Variants in CABLES1 observed in about 807,000 individuals in gnomAD.
The protein encoded by CABLES1 is Cdk5 and Abl enzyme substrate 1.
Under a neutral mutation model 57.8 loss-of-function variants are expected in CABLES1, and 36 were observed. That is an observed-to-expected ratio of 0.62 (90% CI 0.48 to 0.82). CABLES1 has a LOEUF of 0.82. Ranked by LOEUF, CABLES1 falls within the 40% of genes least tolerant of loss-of-function variation. CABLES1 has a pLI of 0.00. For synonymous variants in CABLES1, 374 were observed against 363.0 expected, an observed-to-expected ratio of 1.03 and a Z score of -0.35; for missense variants, 767 against 836.6, an observed-to-expected ratio of 0.92 and a Z score of 1.03.
intron 1 of CABLES1, among the ~76,000 whole-genome samples, chr18:23,163,428 A>G (rs1266543369): frequency 1.3e-5 from 2 of 152,150 alleles, no homozygotes; most frequent in Non-Finnish European, 2.9e-5. Flanking sequence ...GAAAAGTCCA[A>G]CCTGGAGGGT....
intron 1 of CABLES1, among the ~76,000 whole-genome samples, chr18:23,182,931 CAG>C (rs1455180442): frequency 6.6e-5 from 10 of 152,362 alleles, no homozygotes; most frequent in Admixed American, 2.0e-4. Context: ...TTACCAGGCT[CAG>C]GAGAGAGGAC....
intron 1 of CABLES1, among the ~76,000 whole-genome samples, chr18:23,174,042 C>T (rs924401160): frequency 2.6e-5 from 4 of 152,166 alleles, no homozygotes; most frequent in Admixed American, 1.3e-4. Context: ...TCACCACTAT[C>T]TAATTTTAGA....
chr18:23,217,197 T>G (rs1248222693), intron 4 of CABLES1, among the ~76,000 whole-genome samples: 1 of 152,128 alleles, frequency 6.6e-6, no homozygotes, highest in Non-Finnish European at 1.5e-5. Flanking sequence ...TCCACCTGCC[T>G]CAGTCTCCCA....
intron 1 of CABLES1, among the ~76,000 whole-genome samples, chr18:23,142,371 G>A (rs1256252113): frequency 6.6e-6 from 1 of 152,174 alleles, no homozygotes; most frequent in African/African-American, 2.4e-5. Context: ...GGAAGCCACT[G>A]CCTGGGGAGG....
At chr18:23,213,825 G>C (rs2047421913) in intron 3 of CABLES1, 152 bp from the exon 4 acceptor site, 1 of 574,328 alleles carries the variant, frequency 1.7e-6, no homozygotes, top group Non-Finnish European at 3.1e-6. Flanking sequence ...CATTTTGCAA[G>C]GAGAGCAGAA....
intron 3 of CABLES1, among the ~76,000 whole-genome samples, chr18:23,209,294 C>G (rs143073656): frequency 6.6e-6 from 1 of 152,186 alleles, no homozygotes; most frequent in Non-Finnish European, 1.5e-5. Context: ...CAGTGCTATC[C>G]GTGGTTTCAG....
intron 1 of CABLES1, among the ~76,000 whole-genome samples, chr18:23,145,446 A>G (rs572886773): frequency 1.6e-4 from 24 of 152,158 alleles, no homozygotes; most frequent in African/African-American, 4.6e-4. Context: ...AAATGTCGCT[A>G]TCAAAGGAAG....
At chr18:23,158,000 A>T (rs2046976951) in intron 1 of CABLES1, among the ~76,000 whole-genome samples, 1 of 152,068 alleles carries the variant, frequency 6.6e-6, no homozygotes, top group Non-Finnish European at 1.5e-5. Flanking sequence ...TAGTAATAAC[A>T]GCCAGGTTCA....
chr18:23,159,170 G>A (rs1467892986), intron 1 of CABLES1, among the ~76,000 whole-genome samples: 1 of 152,218 alleles, frequency 6.6e-6, no homozygotes, highest in Non-Finnish European at 1.5e-5. Context: ...TCGCCATGTT[G>A]GCCAGGCTGC....
rs1176517676 is a variant in CABLES1, at chr18:23,142,148, A to G, written c.845+5541A>G. Reference sequence around the variant, plus strand: ...GCATGTTTAGCCTGGGGACGTGTGGATAATCCAACCTCAGAATCAGGTACA... The same window carrying G: ...GCATGTTTAGCCTGGGGACGTGTGGGTAATCCAACCTCAGAATCAGGTACA... On this transcript the variant is annotated intron_variant, in intron 1 of 9. Transcript: ENST00000256925. Among the ~76,000 whole-genome samples, 3 of 152,170 alleles carry G rather than the reference A, an allele frequency of 2.0e-5. No homozygotes were observed. In the East Asian group the frequency reaches 5.8e-4, roughly 29 times the overall value.
chr18:23,156,694 T>C (rs1303161148), intron 1 of CABLES1, among the ~76,000 whole-genome samples: 1 of 152,216 alleles, frequency 6.6e-6, no homozygotes, highest in African/African-American at 2.4e-5. Flanking sequence ...CCTAGGTGCA[T>C]TTCCATTTAA....
chr18:23,251,945 G>A (rs1356182138), intron 7 of CABLES1, among the ~76,000 whole-genome samples: 3 of 152,080 alleles, frequency 2.0e-5, no homozygotes, highest in African/African-American at 7.2e-5. Flanking sequence ...AATTAGCTGG[G>A]TGTGATGGTG....
At position 23,237,260 on chromosome 18, in the gene CABLES1, A is replaced by C; in HGVS notation, c.1446+15A>C. The C allele has an allele frequency of 6.4e-7, 1 of 1,555,214 alleles. No homozygotes were observed. Among genetic ancestry groups the C allele is most frequent in the Non-Finnish European group, 8.9e-7 (1 of 1,126,390 alleles). On this transcript the variant is annotated intron_variant, in intron 7 of 9. Transcript: ENST00000256925. ...CTTCCTACATGGTGAGTAGCGTGGA[A>C]TGGAGGCTCCGTTTGCTGCACCGTC...
rs776043152 is a variant in CABLES1, at chr18:23,257,333, T to C, written c.1868T>C (p.Met623Thr). ...FALHLPEHEVMPHYRRLVQSS is the reference protein window; with the variant it reads ...FALHLPEHEVTPHYRRLVQSS ...CTCCACTTGCCCGAGCACGAAGTCATGCCCCACTACAGACGGCTGGTCCAG... is the reference window on the plus strand; with the variant it reads ...CTCCACTTGCCCGAGCACGAAGTCACGCCCCACTACAGACGGCTGGTCCAG... The change falls in exon 10 of 10, where the codon ATG becomes ACG. Residue 623 changes from methionine (M) to threonine (T), a missense_variant. Physicochemically the swap from Met to Thr is moderately conservative, Grantham distance 81. Coordinates refer to ENST00000256925, the MANE Select transcript of CABLES1 (RefSeq NM_001100619.3). 5.6e-6 allele frequency: 9 copies of C among 1,613,554 alleles called. No homozygotes were observed. The highest frequency in any genetic ancestry group is 1.3e-5 in the African/African-American group (1 of 74,880).
chr18:23,142,794 G>A (rs2046865968), intron 1 of CABLES1, among the ~76,000 whole-genome samples: 1 of 152,056 alleles, frequency 6.6e-6, no homozygotes, highest in South Asian at 2.1e-4. Context: ...CTTGTTGTTT[G>A]AACTCCCCCC....
At chr18:23,217,675 G>A (rs1247971363) in intron 4 of CABLES1, among the ~76,000 whole-genome samples, 1 of 152,172 alleles carries the variant, frequency 6.6e-6, no homozygotes, top group Non-Finnish European at 1.5e-5. Context: ...GTACTAGTAA[G>A]TATATGCTAG....
intron 3 of CABLES1, among the ~76,000 whole-genome samples, chr18:23,207,166 A>G (rs1027648561): frequency 6.6e-6 from 1 of 152,162 alleles, no homozygotes; most frequent in Non-Finnish European, 1.5e-5. Flanking sequence ...ACTGACATAA[A>G]CAGGATTAGG....
chr18:23,214,143 G>T (rs545351122), intron 4 of CABLES1, 89 bp downstream of exon 4: 21 of 881,578 alleles, frequency 2.4e-5, no homozygotes, highest in Non-Finnish European at 3.4e-5. Flanking sequence ...CCATTTTCAA[G>T]AAGTTGCCTT....
At chr18:23,248,538 T>TTTTTTTTTA (rs1555671608) in intron 7 of CABLES1, among the ~76,000 whole-genome samples, 7 of 93,602 alleles carry the variant, frequency 7.5e-5, no homozygotes, top group African/African-American at 2.1e-4. Context: ...TTTTTTTTTT[T>TTTTTTTTTA]AAAAAAAGGC....
Sources: gnomAD v4.1 joint callset for allele counts (sites outside exome capture counted in the v4.1 genomes callset) on GRCh38, gnomAD v4.1.1 for gene constraint, MANE v1.5 for transcripts, NCBI Gene and HGNC (gene_info 2026-07-23, HGNC 2026-07-21) for gene names.